The following WWOX variants were observed in gnomAD, a reference collection of about 807,000 sequenced individuals.
WWOX encodes WW domain-containing oxidoreductase.
WWOX carries 69 observed loss-of-function variants against 46.2 expected under a neutral mutation model. The ratio of observed to expected loss-of-function variants is 1.49; its 90% CI spans 1.23 to 1.82. The LOEUF (loss-of-function observed/expected upper bound fraction) is 1.82. Ranked by LOEUF, WWOX falls within the 40% of genes most tolerant of loss-of-function variation. The pLI is 0.00. For synonymous variants in WWOX, 359 were observed against 202.6 expected, an observed-to-expected ratio of 1.77 and a Z score of -6.56; for missense variants, 919 against 542.6, an observed-to-expected ratio of 1.69 and a Z score of -6.89.
At chr16:78,198,031 C>T (rs552281453) in intron 5 of WWOX, among the ~76,000 whole-genome samples, 6 of 152,002 alleles carry the variant, frequency 3.9e-5, no homozygotes, top group African/African-American at 7.3e-5. Context: ...TTTCACTCCT[C>T]TTCCCTAAAA....
chr16:78,372,320 T>C (rs1481111630), intron 5 of WWOX, among the ~76,000 whole-genome samples: 4 of 152,200 alleles, frequency 2.6e-5, no homozygotes, highest in African/African-American at 9.6e-5. Flanking sequence ...TGGTTCCTTA[T>C]GGTCCTGTGG....
intron 8 of WWOX, among the ~76,000 whole-genome samples, chr16:78,942,917 TC>T (rs2045879961): frequency 6.6e-6 from 1 of 152,136 alleles, no homozygotes; most frequent in Non-Finnish European, 1.5e-5. Flanking sequence ...GCCCATCCCC[TC>T]CTCTCTCTCA....
At position 78,366,319 on chromosome 16, in the gene WWOX, T is replaced by A. The variant is rs72794096; in HGVS notation, c.517-20541T>A. Among the ~76,000 whole-genome samples, 238 of 152,352 alleles carry A rather than the reference T, an allele frequency of 1.6e-3. 2 individuals carry two copies. Among genetic ancestry groups the A allele is most frequent in the Middle Eastern group, 3.4e-3 (1 of 294 alleles). ...TTTTACAAGGCAAAGTGTTTAGATA[T>A]GCTCCCTCCTATGCCTATCCACACA... On this transcript the variant is annotated intron_variant, in intron 5 of 8. Coordinates refer to ENST00000566780, the MANE Select transcript of WWOX (RefSeq NM_016373.4).
chr16:79,023,289 T>A (rs1321935312), intron 8 of WWOX, among the ~76,000 whole-genome samples: 1 of 152,226 alleles, frequency 6.6e-6, no homozygotes, highest in Admixed American at 6.5e-5. Flanking sequence ...ATTGCATGTC[T>A]CTGTTGAATT....
chr16:78,934,165 C>G (rs1400917996), intron 8 of WWOX, among the ~76,000 whole-genome samples: 1 of 151,604 alleles, frequency 6.6e-6, no homozygotes, highest in African/African-American at 2.4e-5. Flanking sequence ...GAAACCCCGT[C>G]TCTACTAAAA....
At chr16:79,159,746 A>T (rs564925554) in intron 8 of WWOX, among the ~76,000 whole-genome samples, 131 of 152,302 alleles carry the variant, frequency 8.6e-4, no homozygotes, top group African/African-American at 3.0e-3. Context: ...TATTTCTTCA[A>T]ATTTACTCAG....
chr16:79,038,267 G>T (rs559403032), intron 8 of WWOX, among the ~76,000 whole-genome samples: 1 of 152,146 alleles, frequency 6.6e-6, no homozygotes, highest in African/African-American at 2.4e-5. Flanking sequence ...CCAGTGAATT[G>T]TCTCCTGAAG....
At chr16:79,075,815 C>A (rs573573432) in intron 8 of WWOX, among the ~76,000 whole-genome samples, 1 of 152,018 alleles carries the variant, frequency 6.6e-6, no homozygotes, top group East Asian at 1.9e-4. Context: ...GTACATATAC[C>A]TCGGCAGCCT....
At chr16:78,416,097 C>T (rs953252714) in intron 6 of WWOX, among the ~76,000 whole-genome samples, 1 of 152,112 alleles carries the variant, frequency 6.6e-6, no homozygotes, top group South Asian at 2.1e-4. Context: ...AGATGAGAAT[C>T]CACCCAAGAA....
intron 7 of WWOX, among the ~76,000 whole-genome samples, chr16:78,430,523 C>A (rs1174826212): frequency 6.6e-6 from 1 of 152,170 alleles, no homozygotes; most frequent in African/African-American, 2.4e-5. Context: ...AGCAATACAT[C>A]ATGTGCATTG....
At chr16:78,432,859 A>G (rs2083258124) in intron 8 of WWOX, 107 bp downstream of exon 8, 2 of 1,545,284 alleles carry the variant, frequency 1.3e-6, no homozygotes, top group Non-Finnish European at 1.8e-6. Flanking sequence ...GGTCTCAGTA[A>G]TAACATTGTC....
chr16:78,382,717 G>C (rs573092494), intron 5 of WWOX, among the ~76,000 whole-genome samples: 1 of 152,090 alleles, frequency 6.6e-6, no homozygotes, highest in Non-Finnish European at 1.5e-5. Flanking sequence ...TGGTTTGCTT[G>C]GTGGTGATGG....
intron 5 of WWOX, among the ~76,000 whole-genome samples, chr16:78,236,552 G>C (rs1380835761): frequency 6.6e-6 from 1 of 152,148 alleles, no homozygotes; most frequent in African/African-American, 2.4e-5. Flanking sequence ...GAACTTGTCT[G>C]TAATCATCTT....
At chr16:78,907,948 G>C (rs954891217) in intron 8 of WWOX, among the ~76,000 whole-genome samples, 19 of 152,206 alleles carry the variant, frequency 1.2e-4, no homozygotes, top group African/African-American at 4.6e-4. Context: ...TGAGAAAGGG[G>C]AGGAGGCTGG....
At chr16:79,030,211 T>G (rs188210552) in intron 8 of WWOX, among the ~76,000 whole-genome samples, 2 of 152,260 alleles carry the variant, frequency 1.3e-5, no homozygotes, top group South Asian at 4.1e-4. Flanking sequence ...TAGGACATTG[T>G]AATTATTTTG....
intron 8 of WWOX, among the ~76,000 whole-genome samples, chr16:78,732,908 G>C (rs1285366129): frequency 6.6e-6 from 1 of 152,200 alleles, no homozygotes; most frequent in Non-Finnish European, 1.5e-5. Flanking sequence ...TGTTTCGCAA[G>C]AGTAAAGAAG....
intron 8 of WWOX, among the ~76,000 whole-genome samples, chr16:78,605,770 G>A (rs922642307): frequency 3.3e-5 from 5 of 152,188 alleles, no homozygotes; most frequent in Non-Finnish European, 5.9e-5. Flanking sequence ...ATAGGAAGAA[G>A]CTCTGATGAA....
intron 8 of WWOX, among the ~76,000 whole-genome samples, chr16:79,200,858 C>A (rs9929834): frequency 6.6e-6 from 1 of 152,112 alleles, no homozygotes; most frequent in African/African-American, 2.4e-5. Flanking sequence ...AGTCTCTATA[C>A]GGCAGGCCCA....
At chr16:79,181,931 A>T (rs1331238103) in intron 8 of WWOX, among the ~76,000 whole-genome samples, 2 of 152,198 alleles carry the variant, frequency 1.3e-5, no homozygotes, top group Admixed American at 1.3e-4. Context: ...AATTTTACAA[A>T]CATCATTCGT....
Sources: allele counts gnomAD v4.1 joint callset (sites outside exome capture counted in the v4.1 genomes callset), GRCh38; gene constraint gnomAD v4.1.1; transcripts MANE v1.5; gene names NCBI Gene and HGNC (gene_info 2026-07-23, HGNC 2026-07-21).